PTPN14: variants seen among roughly 807,000 people sequenced by gnomAD.
PTPN14 encodes the protein protein tyrosine phosphatase non-receptor type 14.
A neutral mutation model predicts 126.8 loss-of-function variants in PTPN14; 53 were observed. The observed-to-expected ratio is 0.42, with a 90% CI of 0.34 to 0.53. The LOEUF (loss-of-function observed/expected upper bound fraction) is 0.53, where lower values mean the gene tolerates loss of function less well. PTPN14 is among the 20% of genes least tolerant of loss of function. The pLI is 0.08. For missense variants in PTPN14, 1,257 were observed against 1,552.9 expected, an observed-to-expected ratio of 0.81 and a Z score of 3.20; for synonymous variants, 630 against 599.3, an observed-to-expected ratio of 1.05 and a Z score of -0.75.
chr1:214,369,253 G>T (rs149807321), intron 17 of PTPN14, among the ~76,000 whole-genome samples: 1 of 152,156 alleles, frequency 6.6e-6, no homozygotes, highest in Non-Finnish European at 1.5e-5. Flanking sequence ...CTTAGCTTAC[G>T]TGCATGAAAG....
intron 11 of PTPN14, 87 bp from the exon 12 acceptor site, chr1:214,387,009 C>T (rs974439896): frequency 5.5e-6 from 7 of 1,262,364 alleles, no homozygotes; most frequent in African/African-American, 1.5e-5. Flanking sequence ...ACGGCAGTCC[C>T]GCCACGTTGT....
At chr1:214,399,549 G>A (rs1658968539) in intron 7 of PTPN14, among the ~76,000 whole-genome samples, 2 of 152,148 alleles carry the variant, frequency 1.3e-5, no homozygotes, top group Non-Finnish European at 2.9e-5. Flanking sequence ...GAAGCCAAGA[G>A]GAGACCTGTC....
intron 2 of PTPN14, among the ~76,000 whole-genome samples, chr1:214,453,654 C>CCAT (rs1308559264): frequency 6.6e-6 from 1 of 152,108 alleles, no homozygotes; most frequent in Non-Finnish European, 1.5e-5. Flanking sequence ...ATCGCCACCA[C>CCAT]CATCATCATC....
chr1:214,459,974 A>G (rs1224024681), intron 2 of PTPN14, among the ~76,000 whole-genome samples: 1 of 152,224 alleles, frequency 6.6e-6, no homozygotes, highest in Non-Finnish European at 1.5e-5. Flanking sequence ...CTTTTACTAC[A>G]GAATTGAGGA....
intron 11 of PTPN14, among the ~76,000 whole-genome samples, chr1:214,388,779 C>G (rs1174184547): frequency 6.6e-6 from 1 of 152,154 alleles, no homozygotes; most frequent in Non-Finnish European, 1.5e-5. Flanking sequence ...TCAGATCAAA[C>G]CAAGAAACCC....
chr1:214,506,707 C>T (rs868642245), intron 1 of PTPN14, among the ~76,000 whole-genome samples: 63 of 152,088 alleles, frequency 4.1e-4, no homozygotes, highest in African/African-American at 1.4e-3. Context: ...TGGCTCTCTC[C>T]CTGGAGTCAG....
rs1658527024 is a variant in PTPN14 at position 214,383,652 on chromosome 1, C to T, written c.2203G>A (p.Ala735Thr). 1 of 1,613,456 alleles carries T rather than the reference C, an allele frequency of 6.2e-7. No individual in the cohort carries two copies. The change falls in exon 13 of 19, where the codon GCC becomes ACC. Residue 735 changes from alanine to threonine, a missense_variant. Physicochemically the swap from Ala to Thr is moderately conservative, Grantham distance 58 (BLOSUM62 0). Transcript: ENST00000366956. This position sits in a 1 kb window ranked among gnomAD's most constrained non-coding sequence, Gnocchi z 4.4. ...PMLREKMEYS[A>T]QLQAALARIP... Reference sequence around the variant, plus strand: ...CGGGCCAGGGCCGCCTGCAGCTGGGCACTGTACTCCATCTTCTCCCGGAGC... The same window carrying T: ...CGGGCCAGGGCCGCCTGCAGCTGGGTACTGTACTCCATCTTCTCCCGGAGC...
chr1:214,366,817 A>AAATTTTT (rs1230308917), intron 17 of PTPN14, among the ~76,000 whole-genome samples: 37 of 152,036 alleles, frequency 2.4e-4, no homozygotes, highest in Non-Finnish European at 4.0e-4. Flanking sequence ...CCCCGTCTCT[A>AAATTTTT]CTAAAAATAC....
chr1:214,431,286 T>C (rs1370405634), intron 3 of PTPN14, among the ~76,000 whole-genome samples: 2 of 152,208 alleles, frequency 1.3e-5, no homozygotes, highest in African/African-American at 4.8e-5. Flanking sequence ...TTTAGAAGGA[T>C]GCTTTAGAGT....
At chr1:214,425,518 TG>T (rs1382496366) in intron 3 of PTPN14, among the ~76,000 whole-genome samples, 1 of 152,208 alleles carries the variant, frequency 6.6e-6, no homozygotes, top group East Asian at 1.9e-4. Context: ...AAGACTGCCT[TG>T]TTCATGTCTG....
At chr1:214,448,810 T>C (rs1168344476) in intron 3 of PTPN14, among the ~76,000 whole-genome samples, 1 of 152,092 alleles carries the variant, frequency 6.6e-6, no homozygotes, top group Non-Finnish European at 1.5e-5. Flanking sequence ...TTTGTAAGTC[T>C]TGTTCCATTT....
intron 1 of PTPN14, among the ~76,000 whole-genome samples, chr1:214,511,355 C>G (rs1654969031): frequency 6.6e-6 from 1 of 152,018 alleles, no homozygotes; most frequent in Non-Finnish European, 1.5e-5. Flanking sequence ...TTTAAAAACA[C>G]AGACTACCAA....
chr1:214,364,718 G>T lies in PTPN14; in HGVS notation c.3272-43C>A. ...AATTCTGTCACCAAAGTCCTCCATG[G>T]CTTCGCATGTAAGTTGGGGAGGGGG... On this transcript the variant is annotated intron_variant, in intron 17 of 18. Coordinates refer to ENST00000366956, the MANE Select transcript of PTPN14 (RefSeq NM_005401.5). The surrounding 1 kb of genome is among the most constrained non-coding windows in gnomAD (Gnocchi z 4.1). The T allele has an allele frequency of 1.3e-6, 2 of 1,581,494 alleles. No individual in the cohort carries two copies. The highest frequency in any genetic ancestry group is 2.3e-5 in the East Asian group (1 of 43,852).
Position 214,489,561 on chromosome 1 carries a change from CCT to C in PTPN14, c.-154-24606_-154-24605del, listed in dbSNP as rs1661187114. Among the ~76,000 whole-genome samples the C allele has an allele frequency of 2.0e-5, 3 of 152,218 alleles. No homozygotes were observed. In the South Asian group the frequency reaches 6.2e-4, roughly 32 times the overall value. On this transcript the variant is annotated intron_variant, in intron 1 of 18. Transcript: ENST00000366956. ...TTCCAGGAAAGTTCTCTAAATTGCC[CCT>C]CTCTAAGGTTTGATGCCTCATCTCT... is the stretch of plus-strand genomic sequence containing the variant.
intron 11 of PTPN14, among the ~76,000 whole-genome samples, chr1:214,389,927 A>G (rs1658711548): frequency 6.6e-6 from 1 of 152,262 alleles, no homozygotes; most frequent in Non-Finnish European, 1.5e-5. Context: ...GATATTGTGC[A>G]TAATACTGAG....
At chr1:214,530,948 T>C (rs1655530647) in intron 1 of PTPN14, 1 of 152,220 alleles carries the variant, frequency 6.6e-6, no homozygotes, top group Non-Finnish European at 1.5e-5. Context: ...CCATTTACTC[T>C]GAACCTCAGT....
intron 1 of PTPN14, among the ~76,000 whole-genome samples, chr1:214,550,902 G>C (rs1558151528): frequency 6.6e-6 from 1 of 152,240 alleles, no homozygotes; most frequent in Non-Finnish European, 1.5e-5. Context: ...GGAATGGAGA[G>C]AGGGGACCAG....
intron 3 of PTPN14, among the ~76,000 whole-genome samples, chr1:214,441,316 A>T (rs912200874): frequency 5.3e-5 from 8 of 152,192 alleles, no homozygotes; most frequent in African/African-American, 1.9e-4. Context: ...GATGGAACGC[A>T]ACTACATTTT....
At chr1:214,540,473 T>A (rs751836496) in intron 1 of PTPN14, among the ~76,000 whole-genome samples, 13 of 152,116 alleles carry the variant, frequency 8.5e-5, no homozygotes, top group Non-Finnish European at 1.8e-4. Context: ...CCTCCTTTAT[T>A]ATGGTTATTA....
Sources: allele counts gnomAD v4.1 joint callset (sites outside exome capture counted in the v4.1 genomes callset), GRCh38; gene constraint gnomAD v4.1.1; non-coding constraint Gnocchi (gnomAD v3.1); transcripts MANE v1.5; gene names NCBI Gene and HGNC (gene_info 2026-07-23, HGNC 2026-07-21).